Variants in NFIB observed in about 807,000 individuals in gnomAD.
NFIB encodes nuclear factor 1 B-type.
In NFIB, 11 loss-of-function variants were observed where a neutral mutation model predicts 61.5. The observed-to-expected ratio is 0.18, with a 90% CI of 0.11 to 0.30. The LOEUF is 0.30. Among genes scored for constraint, NFIB ranks in the 10% least tolerant of loss-of-function variants. The pLI is 1.00. For missense variants in NFIB, 471 were observed against 608.9 expected (o/e 0.77, Z 2.38); for synonymous variants, 260 against 216.5 (o/e 1.20, Z -1.76).
the NFIB span, among the ~76,000 whole-genome samples, chr9:14,429,817 A>T: frequency 1.3e-5 from 2 of 152,202 alleles, no homozygotes; most frequent in Admixed American, 1.3e-4. Flanking sequence ...AGTGAATTCC[A>T]TCCATTCAGA....
chr9:14,520,074 A>C, the NFIB span, among the ~76,000 whole-genome samples: 1 of 151,828 alleles, frequency 6.6e-6, no homozygotes, highest in Non-Finnish European at 1.5e-5. Context: ...ACTTTCCTTC[A>C]TTCACATGAG....
At chr9:14,522,879 C>A in the NFIB span, among the ~76,000 whole-genome samples, 4 of 152,214 alleles carry the variant, frequency 2.6e-5, no homozygotes, top group Non-Finnish European at 4.4e-5. Flanking sequence ...CTCCTTCAAA[C>A]CAGAGGCTCT....
intron 2 of NFIB, among the ~76,000 whole-genome samples, chr9:14,271,265 G>A (rs1351498467): frequency 7.2e-6 from 1 of 139,366 alleles, no homozygotes; most frequent in African/African-American, 2.7e-5. Context: ...GCCCAATCTC[G>A]CCTGGGCCAG....
chr9:14,238,063 G>T (rs1285926413), intron 2 of NFIB, among the ~76,000 whole-genome samples: 1 of 151,960 alleles, frequency 6.6e-6, no homozygotes, highest in Non-Finnish European at 1.5e-5. Context: ...AAAAAGACCT[G>T]GGAAGAAGAG....
chr9:14,407,305 A>C, the NFIB span, among the ~76,000 whole-genome samples: 1 of 152,226 alleles, frequency 6.6e-6, no homozygotes, highest in African/African-American at 2.4e-5. Context: ...TCAATAATAA[A>C]GTCCATAATA....
At chr9:14,485,686 C>G in the NFIB span, among the ~76,000 whole-genome samples, 1 of 152,102 alleles carries the variant, frequency 6.6e-6, no homozygotes, top group African/African-American at 2.4e-5. Flanking sequence ...ACCAGCTTGG[C>G]TAACATGCTG....
At chr9:14,278,680 T>C (rs994810248) in intron 2 of NFIB, among the ~76,000 whole-genome samples, 1 of 152,172 alleles carries the variant, frequency 6.6e-6, no homozygotes, top group Non-Finnish European at 1.5e-5. Flanking sequence ...GGTATAATGT[T>C]ATTGACTGTT....
chr9:14,480,121 A>G, the NFIB span, among the ~76,000 whole-genome samples: 5 of 151,882 alleles, frequency 3.3e-5, no homozygotes, highest in Non-Finnish European at 5.9e-5. Context: ...AGCATATTTT[A>G]TAAGTCAGGC....
rs566757197 is a variant in NFIB at position 14,236,159 on chromosome 9, T to G, written c.563-56379A>C. On this transcript the variant is annotated intron_variant, in intron 2 of 10. Transcript: ENST00000380953. Reference sequence around the variant, plus strand: ...ATGTGTACGCATTATAGCTACCAGTTTTATATGGAACTGCCCACTAATAGC... The same window carrying G: ...ATGTGTACGCATTATAGCTACCAGTGTTATATGGAACTGCCCACTAATAGC... Among the ~76,000 whole-genome samples, 8 of 152,310 alleles carry G rather than the reference T, an allele frequency of 5.3e-5. No individual in the cohort carries two copies. The South Asian group carries it at 1.7e-3, about 32-fold the overall frequency.
intron 10 of NFIB, among the ~76,000 whole-genome samples, chr9:14,109,908 T>C (rs779151652): frequency 6.6e-6 from 1 of 152,146 alleles, no homozygotes; most frequent in East Asian, 1.9e-4. Flanking sequence ...CCCAAGCAGT[T>C]AGCAACCAAT....
intron 2 of NFIB, among the ~76,000 whole-genome samples, chr9:14,227,999 CATT>C (rs2052644848): frequency 6.6e-6 from 1 of 152,070 alleles, no homozygotes; most frequent in South Asian, 2.1e-4. Flanking sequence ...ATTTTTAACT[CATT>C]AATAATTCAT....
the NFIB span, among the ~76,000 whole-genome samples, chr9:14,507,989 CACACAT>C: frequency 1.2e-4 from 16 of 131,134 alleles, no homozygotes; most frequent in African/African-American, 3.3e-4. Flanking sequence ...CACACACACA[CACACAT>C]ATATATATAT....
chr9:14,120,947 G>A lies in NFIB; in HGVS notation c.1061-323C>T, dbSNP rs1460171865. 6.6e-6 allele frequency among the ~76,000 whole-genome samples: 1 copy of A among 152,106 alleles called. No homozygotes were observed. The highest frequency in any genetic ancestry group is 1.5e-5 in the Non-Finnish European group (1 of 68,022). The stretch of plus-strand genomic sequence containing the variant: ...ACTTCTTTGAGCAAAGATATATCCC[G>A]TTGAAAACATATTCTTTGATTATAA... On this transcript the variant is annotated intron_variant, in intron 7 of 10. Transcript: ENST00000380953. This position sits in a 1 kb window ranked among gnomAD's most constrained non-coding sequence, Gnocchi z 4.4.
chr9:14,472,413 A>G, the NFIB span, among the ~76,000 whole-genome samples: 10 of 152,386 alleles, frequency 6.6e-5, no homozygotes, highest in South Asian at 4.1e-4. Flanking sequence ...GCAAGAGTTT[A>G]GGAACATTAA....
chr9:14,485,393 AT>A, the NFIB span, among the ~76,000 whole-genome samples: 3 of 152,192 alleles, frequency 2.0e-5, no homozygotes, highest in Non-Finnish European at 4.4e-5. Context: ...AATCATGTTT[AT>A]TTTTGTCATG....
intron 3 of NFIB, among the ~76,000 whole-genome samples, chr9:14,169,915 A>C (rs2045376981): frequency 6.6e-6 from 1 of 152,232 alleles, no homozygotes. Flanking sequence ...GGAAAGAAAA[A>C]CTGAGACTTT....
chr9:14,287,395 C>G (rs867473582), intron 2 of NFIB, among the ~76,000 whole-genome samples: 2 of 151,652 alleles, frequency 1.3e-5, no homozygotes, highest in Non-Finnish European at 2.9e-5. Context: ...CGCCACTGCA[C>G]TCCAGCCTGG....
At chr9:14,150,480 T>C (rs1307578884) in intron 4 of NFIB, among the ~76,000 whole-genome samples, 1 of 152,138 alleles carries the variant, frequency 6.6e-6, no homozygotes, top group Non-Finnish European at 1.5e-5. Context: ...AATCAGATTA[T>C]AATCACTGGT....
chr9:14,150,922 T>C (rs2042800816), intron 4 of NFIB, among the ~76,000 whole-genome samples: 1 of 152,184 alleles, frequency 6.6e-6, no homozygotes, highest in African/African-American at 2.4e-5. Context: ...TTTATCAAAA[T>C]ATCTCATGAT....
Sources: allele counts gnomAD v4.1 joint callset (sites outside exome capture counted in the v4.1 genomes callset), GRCh38; gene constraint gnomAD v4.1.1; non-coding constraint Gnocchi (gnomAD v3.1); transcripts MANE v1.5; gene names NCBI Gene and HGNC (gene_info 2026-07-23, HGNC 2026-07-21).